Variants in LURAP1 observed in about 807,000 individuals in gnomAD.
The protein encoded by LURAP1 is leucine rich adaptor protein 1, also known as NF-kappa-B activator C1orf190.
Under a neutral mutation model 19.0 loss-of-function variants are expected in LURAP1, and 14 were observed. The ratio of observed to expected loss-of-function variants is 0.74; its 90% confidence interval spans 0.49 to 1.15. The LOEUF (loss-of-function observed/expected upper bound fraction) is 1.15. Among genes scored for constraint, LURAP1 ranks in the 50% most tolerant of loss-of-function variants. LURAP1 has a pLI of 0.00. For missense variants in LURAP1, 273 were observed against 309.1 expected, an observed-to-expected ratio of 0.88 and a Z score of 0.87; for synonymous variants, 129 against 131.8, an observed-to-expected ratio of 0.98 and a Z score of 0.14.
rs932072156 is a variant in LURAP1 at position 46,220,529 on chromosome 1, A to C, written c.*309A>C. On this transcript the variant is annotated 3_prime_UTR_variant, in exon 2 of 2. Transcript: ENST00000371980. Reference sequence around the variant, plus strand: ...ACTGCAGCCTTGACCTCCTGGGCTCAAGCGATCCTCCTATTTCAGCCTCCC... The same window carrying C: ...ACTGCAGCCTTGACCTCCTGGGCTCCAGCGATCCTCCTATTTCAGCCTCCC... 3.3e-5 allele frequency: 8 copies of C among 243,696 alleles called. No homozygotes were observed. Among genetic ancestry groups the C allele is most frequent in the Non-Finnish European group, 3.1e-5 (4 of 127,752 alleles). 15.1% of individuals were successfully genotyped at this position (243,696 alleles called of 1,614,324 possible). A position where few individuals can be genotyped will look rare whatever the true frequency, so the allele number is the denominator to read the frequency against.
chr1:46,210,828 A>G (rs1322267232), intron 1 of LURAP1, among the ~76,000 whole-genome samples: 2 of 152,032 alleles, frequency 1.3e-5, no homozygotes, highest in Admixed American at 6.6e-5. Flanking sequence ...AGGTTGGAGT[A>G]CAGTGGCTCA....
At chr1:46,216,139 C>A (rs1659060430) in intron 1 of LURAP1, among the ~76,000 whole-genome samples, 1 of 150,408 alleles carries the variant, frequency 6.6e-6, no homozygotes, top group Non-Finnish European at 1.5e-5. Flanking sequence ...CTCCGCCCCC[C>A]AGGTTCACGC....
At chr1:46,208,999 A>T (rs1368939933) in intron 1 of LURAP1, among the ~76,000 whole-genome samples, 1 of 152,210 alleles carries the variant, frequency 6.6e-6, no homozygotes, top group East Asian at 1.9e-4. Context: ...GTCCCGAGCC[A>T]GCAGTGGGGA....
chr1:46,210,276 GTT>G (rs1175546521), intron 1 of LURAP1, among the ~76,000 whole-genome samples: 3 of 151,928 alleles, frequency 2.0e-5, no homozygotes, highest in African/African-American at 7.3e-5. Context: ...GTGTGTGTGT[GTT>G]TTTTTAATTT....
intron 1 of LURAP1, among the ~76,000 whole-genome samples, chr1:46,218,623 A>G (rs890178788): frequency 6.6e-6 from 1 of 152,194 alleles, no homozygotes; most frequent in African/African-American, 2.4e-5. Flanking sequence ...GAGCAGTGCA[A>G]TGCCTATAAA....
chr1:46,212,282 T>A (rs1012419000), intron 1 of LURAP1, among the ~76,000 whole-genome samples: 2 of 140,282 alleles, frequency 1.4e-5, no homozygotes, highest in Non-Finnish European at 3.1e-5. Context: ...ACCATGTAAA[T>A]TTTTTTTTTT....
chr1:46,220,146 G>T lies in LURAP1; in HGVS notation c.646G>T (p.Asp216Tyr). Reference protein sequence around the residue: ...LQGGPPESPEDESAKLGFEAH... With the variant: ...LQGGPPESPEYESAKLGFEAH... ...AGGTGGACCACCTGAGTCACCAGAG[G>T]ATGAGAGTGCCAAGCTGGGCTTCGA... Residue 216 changes from aspartate to tyrosine, a missense_variant, in exon 2 of 2, where the codon GAT becomes TAT. Asp to Tyr is a radical substitution (Grantham distance 160). Transcript: ENST00000371980. The T allele has an allele frequency of 6.2e-7, 1 of 1,614,202 alleles. No individual in the cohort carries two copies. Among genetic ancestry groups the T allele is most frequent in the Non-Finnish European group, 8.5e-7 (1 of 1,180,038 alleles).
At position 46,220,003 on chromosome 1, in the gene LURAP1, A is replaced by G; in HGVS notation, c.503A>G (p.Glu168Gly). ...GGCCCACCTGGGGCTCCACGTTCCG[A>G]GATGGACTGGGCAAAAGTTATAGCT... ...EQGPPGAPRSEMDWAKVIAGG... is the reference protein window; with the variant it reads ...EQGPPGAPRSGMDWAKVIAGG... Residue 168 changes from glutamate (E) to glycine (G), a missense_variant, in exon 2 of 2, where the codon GAG (glutamate) becomes GGG (glycine). By Grantham distance (98) the Glu-to-Gly change is moderately conservative (BLOSUM62 -2). Coordinates refer to ENST00000371980, the MANE Select transcript of LURAP1 (RefSeq NM_001013615.3). The G allele has an allele frequency of 1.9e-6, 3 of 1,614,206 alleles. No homozygotes were observed. Among genetic ancestry groups the G allele is most frequent in the Non-Finnish European group, 2.5e-6 (3 of 1,180,034 alleles).
At chr1:46,211,305 G>A (rs955775138) in intron 1 of LURAP1, among the ~76,000 whole-genome samples, 2 of 152,094 alleles carry the variant, frequency 1.3e-5, no homozygotes, top group Non-Finnish European at 2.9e-5. Flanking sequence ...TTCTACTCTG[G>A]GAAGGTGAGA....
chr1:46,217,427 A>T (rs542716548), intron 1 of LURAP1, among the ~76,000 whole-genome samples: 1 of 152,366 alleles, frequency 6.6e-6, no homozygotes, highest in South Asian at 2.1e-4. Flanking sequence ...AAGTAACTAT[A>T]GTAAACTACA....
At chr1:46,218,634 G>T (rs570929396) in intron 1 of LURAP1, among the ~76,000 whole-genome samples, 1 of 152,204 alleles carries the variant, frequency 6.6e-6, no homozygotes, top group African/African-American at 2.4e-5. Context: ...TGCCTATAAA[G>T]GCTCTTGAGC....
At chr1:46,216,043 C>CTTTTTTTTTTTTTTTTTTTTTTTTTT in intron 1 of LURAP1, among the ~76,000 whole-genome samples, 1 of 92,540 alleles carries the variant, frequency 1.1e-5, no homozygotes, top group Non-Finnish European at 1.9e-5. Context: ...TTTATTTTAT[C>CTTTTTTTTTTTTTTTTTTTTTTTTTT]TTTTTTTTTT....
chr1:46,219,250 G>A (rs1326023119), intron 1 of LURAP1, among the ~76,000 whole-genome samples: 2 of 150,914 alleles, frequency 1.3e-5, no homozygotes, highest in Non-Finnish European at 2.9e-5. Context: ...AGCTGAGATC[G>A]CGCCATTGCA....
At chr1:46,210,401 TG>T (rs772701845) in intron 1 of LURAP1, among the ~76,000 whole-genome samples, 160 of 152,108 alleles carry the variant, frequency 1.1e-3, no homozygotes, top group Non-Finnish European at 1.8e-3. Context: ...ACCAGCTGGG[TG>T]TCTACTAATT....
At chr1:46,219,588 T>G in intron 1 of LURAP1, 111 bp from the exon 2 acceptor site, 1 of 1,197,278 alleles carries the variant, frequency 8.4e-7, no homozygotes, top group Non-Finnish European at 1.2e-6. Context: ...TATAATTCCA[T>G]CCGTCTTAAA....
rs956387298 is a variant in LURAP1, at chr1:46,220,376, G to A, written c.*156G>A. ...TCATCATTTCTCTAGTCCCTAGGGA[G>A]TCTCTGCCTTTATCCCTCAATTATT... On this transcript the variant is annotated 3_prime_UTR_variant, in exon 2 of 2. Transcript: ENST00000371980. The A allele has an allele frequency of 2.7e-6, 2 of 739,252 alleles. No homozygotes were observed. The highest frequency in any genetic ancestry group is 4.3e-6 in the Non-Finnish European group (2 of 465,238). 45.8% of individuals were successfully genotyped at this position (739,252 alleles called of 1,614,324 possible). A position where few individuals can be genotyped will look rare whatever the true frequency, so the allele number is the denominator to read the frequency against.
At chr1:46,206,590 A>G (rs142948781) in intron 1 of LURAP1, among the ~76,000 whole-genome samples, 512 of 152,254 alleles carry the variant, frequency 3.4e-3, no homozygotes, top group Non-Finnish European at 5.0e-3. Flanking sequence ...AGATGGTGTG[A>G]AAAGAGTGTT....
At chr1:46,208,566 G>A (rs1031196531) in intron 1 of LURAP1, among the ~76,000 whole-genome samples, 6 of 152,274 alleles carry the variant, frequency 3.9e-5, no homozygotes, top group Admixed American at 6.5e-5. Context: ...ATTGAGGGCC[G>A]GCACGGTGGC....
chr1:46,210,264 C>T (rs938159003), intron 1 of LURAP1, among the ~76,000 whole-genome samples: 2 of 152,006 alleles, frequency 1.3e-5, no homozygotes. Context: ...AAACCCTAAA[C>T]TGTGTGTGTG....
Sources: allele counts gnomAD v4.1 joint callset (sites outside exome capture counted in the v4.1 genomes callset), GRCh38; gene constraint gnomAD v4.1.1; transcripts MANE v1.5; gene names NCBI Gene and HGNC (gene_info 2026-07-23, HGNC 2026-07-21).